CYRIB: variants seen among roughly 807,000 people sequenced by gnomAD.
CYRIB encodes CYFIP-related Rac1 interactor B.
A neutral mutation model predicts 44.2 loss-of-function variants in CYRIB; 8 were observed. The observed-to-expected ratio is 0.18, with a 90% CI of 0.11 to 0.33. The LOEUF (loss-of-function observed/expected upper bound fraction) is 0.33, where lower values mean the gene tolerates loss of function less well. Ranked by LOEUF, CYRIB falls within the 10% of genes least tolerant of loss-of-function variation. The pLI is 1.00. For synonymous variants in CYRIB, 131 were observed against 127.2 expected, an observed-to-expected ratio of 1.03 and a Z score of -0.20; for missense variants, 185 against 382.8, an observed-to-expected ratio of 0.48 and a Z score of 4.31.
At chr8:129,870,720 A>G (rs2056825029) in intron 4 of CYRIB, among the ~76,000 whole-genome samples, 1 of 152,188 alleles carries the variant, frequency 6.6e-6, no homozygotes, top group Non-Finnish European at 1.5e-5. Context: ...TGCAGTAATG[A>G]GAAGGGGAGA....
At chr8:129,990,341 T>C (rs2096597483) in intron 1 of CYRIB, among the ~76,000 whole-genome samples, 1 of 152,206 alleles carries the variant, frequency 6.6e-6, no homozygotes, top group South Asian at 2.1e-4. Flanking sequence ...ATGCTTTATA[T>C]ATCTAGATAA....
intron 2 of CYRIB, among the ~76,000 whole-genome samples, chr8:129,883,389 T>C (rs2061531126): frequency 1.3e-5 from 2 of 152,066 alleles, no homozygotes; most frequent in Admixed American, 6.6e-5. Context: ...ACAACTGTTG[T>C]CCAGCGCAAA....
chr8:129,884,223 A>G (rs1470980703), intron 2 of CYRIB, among the ~76,000 whole-genome samples: 1 of 152,134 alleles, frequency 6.6e-6, no homozygotes, highest in East Asian at 1.9e-4. Context: ...TCTGCCATCT[A>G]AAGGAGACTA....
At chr8:129,990,380 G>A (rs1214014397) in intron 1 of CYRIB, among the ~76,000 whole-genome samples, 6 of 152,054 alleles carry the variant, frequency 3.9e-5, no homozygotes, top group African/African-American at 1.5e-4. Context: ...TACATAATAG[G>A]TGTTCAGTAA....
chr8:129,975,514 CAA>C (rs1265300527), intron 1 of CYRIB, among the ~76,000 whole-genome samples: 1 of 152,024 alleles, frequency 6.6e-6, no homozygotes, highest in African/African-American at 2.4e-5. Flanking sequence ...ATAAAAAAGA[CAA>C]AAACTTTTAT....
upstream of CYRIB, chr8:130,016,960 C>G (rs892133365): frequency 4.6e-5 from 7 of 152,314 alleles, no homozygotes; most frequent in African/African-American, 1.7e-4. Context: ...GGCTCGAACC[C>G]CGGTCTCCAG....
intron 2 of CYRIB, among the ~76,000 whole-genome samples, chr8:129,952,406 T>C (rs2094551167): frequency 6.6e-6 from 1 of 152,120 alleles, no homozygotes; most frequent in South Asian, 2.1e-4. Flanking sequence ...TATGTATGTA[T>C]ACAATAAATA....
At chr8:130,011,447 G>A (rs900334969) in intron 1 of CYRIB, among the ~76,000 whole-genome samples, 2 of 151,920 alleles carry the variant, frequency 1.3e-5, no homozygotes, top group African/African-American at 4.8e-5. Context: ...CTTGAACCCG[G>A]GAGGCAGAGG....
intron 2 of CYRIB, among the ~76,000 whole-genome samples, chr8:129,881,615 T>C (rs909281187): frequency 3.3e-5 from 5 of 152,234 alleles, no homozygotes. Flanking sequence ...AAATTTCTTA[T>C]AAAATGTTAA....
At chr8:129,901,492 C>T (rs1283167711) in intron 2 of CYRIB, 2 of 152,210 alleles carry the variant, frequency 1.3e-5, no homozygotes, top group Non-Finnish European at 2.9e-5. Context: ...GGATTACAGG[C>T]ATGAGCCACC....
At chr8:129,871,880 A>G (rs1334819435) in intron 3 of CYRIB, among the ~76,000 whole-genome samples, 2 of 152,178 alleles carry the variant, frequency 1.3e-5, no homozygotes, top group African/African-American at 4.8e-5. Context: ...TTTTAATGCA[A>G]AAGAAAGCCT....
intron 1 of CYRIB, among the ~76,000 whole-genome samples, chr8:130,006,409 A>G (rs981864808): frequency 1.1e-4 from 16 of 150,102 alleles, no homozygotes; most frequent in Admixed American, 9.5e-4. Context: ...TGAACCCAGG[A>G]GAGTGAGTCC....
chr8:129,903,070 C>T (rs2073170615), intron 2 of CYRIB: 1 of 152,390 alleles, frequency 6.6e-6, no homozygotes, highest in African/African-American at 2.4e-5. Flanking sequence ...CAAAGGAAAA[C>T]ACATACCTCT....
chr8:129,902,084 C>CA (rs1175956323), intron 2 of CYRIB, among the ~76,000 whole-genome samples: 1 of 152,026 alleles, frequency 6.6e-6, no homozygotes, highest in Non-Finnish European at 1.5e-5. Context: ...GTCCTTGGCA[C>CA]AAAAAATACT....
Position 129,866,981 on chromosome 8 carries a change from T to A in CYRIB, c.195+4394A>T, listed in dbSNP as rs557784859. Among the ~76,000 whole-genome samples, 3 of 152,360 alleles carry A rather than the reference T, an allele frequency of 2.0e-5. No individual in the cohort carries two copies. In the East Asian group the frequency reaches 5.8e-4, roughly 29 times the overall value. The stretch of plus-strand genomic sequence containing the variant: ...TGGTGAGGTTATTACAGAGCAGGTA[T>A]AACTTATTTTCAAAAATATTAAACT... On this transcript the variant is annotated intron_variant, in intron 4 of 11. Transcript: ENST00000519824.
At chr8:129,898,383 T>A (rs1454948661) in intron 2 of CYRIB, among the ~76,000 whole-genome samples, 3 of 152,172 alleles carry the variant, frequency 2.0e-5, no homozygotes, top group Non-Finnish European at 4.4e-5. Context: ...AAAACTTTTT[T>A]AAGAAAAGCA....
chr8:129,981,891 C>G (rs1055809639), intron 1 of CYRIB, among the ~76,000 whole-genome samples: 3 of 152,222 alleles, frequency 2.0e-5, no homozygotes, highest in African/African-American at 7.2e-5. Flanking sequence ...CTGTCCCCCT[C>G]TCTCAGAGCA....
upstream of CYRIB, among the ~76,000 whole-genome samples, chr8:129,941,991 G>A (rs139632269): frequency 3.0e-4 from 45 of 152,250 alleles, no homozygotes; most frequent in East Asian, 5.2e-3. Context: ...TAGACATGAC[G>A]CTGGCCTAGG....
chr8:129,984,556 T>C (rs1260137074), intron 1 of CYRIB, among the ~76,000 whole-genome samples: 1 of 152,062 alleles, frequency 6.6e-6, no homozygotes, highest in Non-Finnish European at 1.5e-5. Context: ...GGGCTCATTC[T>C]CCTCCCTGTA....
Sources: allele counts gnomAD v4.1 joint callset (sites outside exome capture counted in the v4.1 genomes callset), GRCh38; gene constraint gnomAD v4.1.1; transcripts MANE v1.5; gene names NCBI Gene and HGNC (gene_info 2026-07-23, HGNC 2026-07-21).